Variants in KHDRBS2 observed in about 807,000 individuals in gnomAD.
The protein encoded by KHDRBS2 is KH domain-containing, RNA-binding, signal transduction-associated protein 2.
Under a neutral mutation model 44.3 loss-of-function variants are expected in KHDRBS2, and 26 were observed. The ratio of observed to expected loss-of-function variants is 0.59; its 90% CI spans 0.43 to 0.81. The LOEUF (loss-of-function observed/expected upper bound fraction) is 0.81. KHDRBS2 is among the 40% of genes least tolerant of loss of function. KHDRBS2 has a pLI of 0.00. For synonymous variants in KHDRBS2, 194 were observed against 151.1 expected, an observed-to-expected ratio of 1.28 and a Z score of -2.08; for missense variants, 476 against 433.1, an observed-to-expected ratio of 1.10 and a Z score of -0.88.
chr6:62,140,044 T>C (rs1278412051), intron 2 of KHDRBS2, among the ~76,000 whole-genome samples: 1 of 152,204 alleles, frequency 6.6e-6, no homozygotes, highest in Non-Finnish European at 1.5e-5. Context: ...CTAAACCCTA[T>C]GGTTTATTAA....
the KHDRBS2 span, among the ~76,000 whole-genome samples, chr6:61,663,787 A>G: frequency 5.9e-5 from 9 of 151,486 alleles, no homozygotes; most frequent in Non-Finnish European, 1.2e-4. Context: ...GAATTATTTG[A>G]TGAATAAACT....
intron 6 of KHDRBS2, among the ~76,000 whole-genome samples, chr6:61,796,700 A>G (rs1785407819): frequency 1.3e-5 from 2 of 152,166 alleles, no homozygotes; most frequent in Admixed American, 1.3e-4. Flanking sequence ...AATTTTGGTT[A>G]TGTACAAAAC....
chr6:61,578,433 C>A, the KHDRBS2 span, among the ~76,000 whole-genome samples: 3 of 152,106 alleles, frequency 2.0e-5, no homozygotes, highest in East Asian at 5.8e-4. Context: ...AAATCCCGGA[C>A]TTTTATAGAA....
chr6:62,187,290 AAT>A (rs1394723484), intron 1 of KHDRBS2, among the ~76,000 whole-genome samples: 3 of 152,274 alleles, frequency 2.0e-5, no homozygotes, highest in South Asian at 4.1e-4. Flanking sequence ...AGATTTGAAT[AAT>A]AAAGCCCAGG....
At chr6:61,971,525 T>C (rs568950096) in intron 4 of KHDRBS2, among the ~76,000 whole-genome samples, 1 of 152,266 alleles carries the variant, frequency 6.6e-6, no homozygotes, top group East Asian at 1.9e-4. Flanking sequence ...CAAAATATGC[T>C]ATACTCTGGA....
At chr6:61,618,435 T>A in the KHDRBS2 span, among the ~76,000 whole-genome samples, 1 of 152,234 alleles carries the variant, frequency 6.6e-6, no homozygotes, top group African/African-American at 2.4e-5. Context: ...AGACAATTAC[T>A]AGCCTTTACT....
chr6:61,685,214 A>G (rs928618736), intron 8 of KHDRBS2, among the ~76,000 whole-genome samples: 1 of 151,838 alleles, frequency 6.6e-6, no homozygotes, highest in Admixed American at 6.6e-5. Flanking sequence ...ATACTTAGTA[A>G]GAACACAGGT....
chr6:61,648,416 C>G, the KHDRBS2 span, among the ~76,000 whole-genome samples: 1 of 152,148 alleles, frequency 6.6e-6, no homozygotes, highest in Admixed American at 6.6e-5. Context: ...CTTCCCCAGT[C>G]ATTTGAAGTC....
chr6:62,276,474 A>G (rs749671199), intron 1 of KHDRBS2, among the ~76,000 whole-genome samples: 2 of 152,140 alleles, frequency 1.3e-5, no homozygotes, highest in Non-Finnish European at 2.9e-5. Context: ...AACCACACAA[A>G]ATTATCCAAT....
intron 6 of KHDRBS2, among the ~76,000 whole-genome samples, chr6:61,790,166 G>A (rs1033510165): frequency 2.0e-5 from 3 of 151,330 alleles, no homozygotes; most frequent in Non-Finnish European, 3.0e-5. Flanking sequence ...TTCAGAAGAT[G>A]TCTTTATAAG....
chr6:62,153,836 A>T (rs1324598176), intron 2 of KHDRBS2, among the ~76,000 whole-genome samples: 1 of 152,196 alleles, frequency 6.6e-6, no homozygotes, highest in Non-Finnish European at 1.5e-5. Context: ...AAAACTCTCC[A>T]TCCAGGCTTT....
chr6:61,559,497 T>C, the KHDRBS2 span, among the ~76,000 whole-genome samples: 13 of 152,280 alleles, frequency 8.5e-5, no homozygotes, highest in African/African-American at 2.9e-4. Flanking sequence ...TTCTCTTCTT[T>C]CTGGTCTTCA....
At chr6:61,937,509 C>T (rs1441273501) in intron 4 of KHDRBS2, among the ~76,000 whole-genome samples, 1 of 151,876 alleles carries the variant, frequency 6.6e-6, no homozygotes, top group Non-Finnish European at 1.5e-5. Flanking sequence ...TCTGATGTGT[C>T]TTATGTTTAT....
chr6:61,988,754 C>T (rs1775550435), intron 3 of KHDRBS2, among the ~76,000 whole-genome samples: 1 of 152,108 alleles, frequency 6.6e-6, no homozygotes, highest in Non-Finnish European at 1.5e-5. Context: ...GCATCACAGG[C>T]CCACAAGGGT....
chr6:61,814,976 C>T (rs1787265321), intron 6 of KHDRBS2, among the ~76,000 whole-genome samples: 1 of 152,074 alleles, frequency 6.6e-6, no homozygotes, highest in Admixed American at 6.6e-5. Context: ...TTTAAAACAT[C>T]TCTGGATTAC....
chr6:61,630,935 G>A, the KHDRBS2 span, among the ~76,000 whole-genome samples: 3 of 152,108 alleles, frequency 2.0e-5, no homozygotes, highest in Admixed American at 6.5e-5. Flanking sequence ...TTCAGTGAGA[G>A]GCAGGATTGC....
intron 4 of KHDRBS2, among the ~76,000 whole-genome samples, chr6:61,946,753 A>C (rs1813441759): frequency 6.6e-6 from 1 of 152,168 alleles, no homozygotes; most frequent in African/African-American, 2.4e-5. Context: ...AATGGAAGTT[A>C]GTCCTAAGGA....
chr6:61,601,262 A>C, the KHDRBS2 span, among the ~76,000 whole-genome samples: 1 of 150,336 alleles, frequency 6.7e-6, no homozygotes, highest in Non-Finnish European at 1.5e-5. Flanking sequence ...GGCACCCCCC[A>C]CCCCTTCTCT....
intron 6 of KHDRBS2, among the ~76,000 whole-genome samples, chr6:61,886,600 C>A (rs748863787): frequency 2.0e-5 from 3 of 151,990 alleles, no homozygotes; most frequent in Non-Finnish European, 4.4e-5. Context: ...TATGTATAAC[C>A]TTTTCCCCCA....
Sources: gnomAD v4.1 joint callset for allele counts (sites outside exome capture counted in the v4.1 genomes callset) on GRCh38, gnomAD v4.1.1 for gene constraint, MANE v1.5 for transcripts, NCBI Gene and HGNC (gene_info 2026-07-23, HGNC 2026-07-21) for gene names.